TRANK1: variants seen among roughly 807,000 people sequenced by gnomAD.
TRANK1 encodes tetratricopeptide repeat and ankyrin repeat containing 1.
In TRANK1, 198 loss-of-function variants were observed where a neutral mutation model predicts 266.0. The ratio of observed to expected loss-of-function variants is 0.74; its 90% confidence interval spans 0.66 to 0.84. The LOEUF (loss-of-function observed/expected upper bound fraction) is 0.84. Among genes scored for constraint, TRANK1 ranks in the 40% least tolerant of loss-of-function variants. The pLI, the probability that TRANK1 is intolerant of heterozygous loss-of-function variation, is 0.00. For synonymous variants in TRANK1, 1,396 were observed against 1,384.1 expected (o/e 1.01, Z -0.19); for missense variants, 3,326 against 3,634.6 (o/e 0.92, Z 2.18).
At chr3:36,873,200 T>A (rs1010899573) in intron 9 of TRANK1, among the ~76,000 whole-genome samples, 5 of 152,176 alleles carry the variant, frequency 3.3e-5, no homozygotes, top group African/African-American at 1.2e-4. Flanking sequence ...AATGCCTATA[T>A]TCAGACAAAT....
chr3:36,928,350 A>C (rs1426213722), intron 1 of TRANK1, among the ~76,000 whole-genome samples: 5 of 152,168 alleles, frequency 3.3e-5, no homozygotes, highest in Non-Finnish European at 4.4e-5. Flanking sequence ...AGCTGTTGAG[A>C]ATTTTCAATA....
At chr3:36,913,455 T>TCTCTCCTCTC (rs139652709) in intron 1 of TRANK1, among the ~76,000 whole-genome samples, 38 of 151,306 alleles carry the variant, frequency 2.5e-4, no homozygotes, top group Non-Finnish European at 4.1e-4. Context: ...TTGCTTTGTT[T>TCTCTCCTCTC]CTCTCCTCTC....
chr3:36,829,654 C>T lies in TRANK1; in HGVS notation c.8719G>A (p.Ala2907Thr), dbSNP rs755965725. The T allele has an allele frequency of 1.2e-6, 2 of 1,613,688 alleles. No homozygotes were observed. Among genetic ancestry groups the T allele is most frequent in the African/African-American group, 1.3e-5 (1 of 74,922 alleles). Reference protein sequence around the residue: ...RRKAWAGAEEAMTRLVNILIL... With the variant: ...RRKAWAGAEETMTRLVNILIL... ...AGAATGTTGACCAGCCGAGTCATCGCCTCCTCCGCTTCAGAAACCAAAGAA... is the reference window on the plus strand; with the variant it reads ...AGAATGTTGACCAGCCGAGTCATCGTCTCCTCCGCTTCAGAAACCAAAGAA... Residue 2907 changes from alanine (A) to threonine (T), a missense_variant, in exon 23 of 24, where the codon GCG becomes ACG. Ala to Thr is a moderately conservative substitution (Grantham distance 58, BLOSUM62 0). Coordinates refer to ENST00000645898, the MANE Select transcript of TRANK1 (RefSeq NM_001329998.2).
intron 1 of TRANK1, among the ~76,000 whole-genome samples, chr3:36,940,262 C>T (rs1298759031): frequency 6.6e-6 from 1 of 151,346 alleles, no homozygotes; most frequent in Non-Finnish European, 1.5e-5. Context: ...CTTTGGGAGG[C>T]CGAGGCGGGT....
Position 36,828,388 on chromosome 3 carries a change from AGAAGGAAGGAAG to A in TRANK1, c.8810-25_8810-14del. ...TCCTGAACAATACCTGAAGAAAGAA[AGAAGGAAGGAAG>A]GAAGGAAGGAAAGAAGGGAGGGAGG... On this transcript the variant is annotated splice_polypyrimidine_tract_variant and intron_variant, in intron 23 of 23. Coordinates refer to ENST00000645898, the MANE Select transcript of TRANK1 (RefSeq NM_001329998.2). The A allele has an allele frequency of 2.0e-6, 2 of 1,013,810 alleles. No individual in the cohort carries two copies. The highest frequency in any genetic ancestry group is 4.1e-5 in the East Asian group (1 of 24,460). The allele number at this position is 1,013,810 out of a possible 1,614,324, so 62.8% of individuals were successfully genotyped here. A position where few individuals can be genotyped will look rare whatever the true frequency, so the allele number is the denominator to read the frequency against.
At chr3:36,862,964 G>A (rs894526029) in intron 10 of TRANK1, among the ~76,000 whole-genome samples, 4 of 151,838 alleles carry the variant, frequency 2.6e-5, no homozygotes, top group Non-Finnish European at 1.5e-5. Context: ...TCAATAGGAA[G>A]AGCTATAAAT....
intron 9 of TRANK1, among the ~76,000 whole-genome samples, chr3:36,865,996 AAGAG>A (rs2079213045): frequency 1.3e-5 from 2 of 151,052 alleles, no homozygotes; most frequent in South Asian, 4.2e-4. Context: ...GAAAGAAAGA[AAGAG>A]AAAGAGAGAG....
intron 1 of TRANK1, among the ~76,000 whole-genome samples, chr3:36,931,470 C>A (rs1248471661): frequency 6.6e-6 from 1 of 152,058 alleles, no homozygotes; most frequent in Non-Finnish European, 1.5e-5. Flanking sequence ...TCTGGGGAAC[C>A]AAGGCAGGTG....
At chr3:36,908,553 T>C (rs1324248922) in intron 1 of TRANK1, 99 bp from the exon 2 acceptor site, 6 of 1,231,230 alleles carry the variant, frequency 4.9e-6, no homozygotes. Flanking sequence ...GTTCGCTCAC[T>C]ATGGCCCCAC....
chr3:36,842,724 G>A lies in TRANK1; in HGVS notation c.5192-14C>T, dbSNP rs760478201. The A allele has an allele frequency of 1.1e-5, 17 of 1,611,002 alleles. No homozygotes were observed. Among genetic ancestry groups the A allele is most frequent in the Non-Finnish European group, 1.4e-5 (16 of 1,178,102 alleles). ...TATCATCAAAGTCTAAAATGAGAAA[G>A]AAAAGTGTGTTTGCTTCTCTGGGCT... On this transcript the variant is annotated splice_polypyrimidine_tract_variant and intron_variant, in intron 17 of 23. Coordinates refer to ENST00000645898, the MANE Select transcript of TRANK1 (RefSeq NM_001329998.2).
chr3:36,918,421 ATTTGT>A (rs762789584), intron 1 of TRANK1, among the ~76,000 whole-genome samples: 32 of 150,614 alleles, frequency 2.1e-4, no homozygotes, highest in Non-Finnish European at 4.3e-4. Flanking sequence ...CACAGTTAAA[ATTTGT>A]TTTAAGTAAA....
Position 36,857,355 on chromosome 3 carries a change from T to G in TRANK1, c.2367A>C (p.Gly789=), listed in dbSNP as rs1490454011. The G allele has an allele frequency of 5.0e-6, 8 of 1,606,944 alleles. No individual in the cohort carries two copies. Among genetic ancestry groups the G allele is most frequent in the Non-Finnish European group, 5.9e-6 (7 of 1,176,710 alleles). The change falls in exon 13 of 24, where the codon GGA becomes GGC. Residue 789 remains glycine, a synonymous_variant. Transcript: ENST00000645898. This position sits in a 1 kb window ranked among gnomAD's most constrained non-coding sequence, Gnocchi z 4.3. Reference sequence around the variant, plus strand: ...AGGCCCCAAGGCCCACCTGAGCATGTCCTTCCCCCACCTCACTACAGTCAG... The same window carrying G: ...AGGCCCCAAGGCCCACCTGAGCATGGCCTTCCCCCACCTCACTACAGTCAG... ...GAPDCSEVGE[G]HAQVGLGALQ...
chr3:36,851,162 CTT>C (rs2078980266), intron 15 of TRANK1: 1 of 985,754 alleles, frequency 1.0e-6, no homozygotes, highest in Admixed American at 6.1e-5. Context: ...TGTGGGGACT[CTT>C]TGGCTGCCAT....
chr3:36,897,944 G>A (rs2079816612), intron 4 of TRANK1, among the ~76,000 whole-genome samples: 1 of 152,162 alleles, frequency 6.6e-6, no homozygotes, highest in South Asian at 2.1e-4. Flanking sequence ...CAGGCCATTA[G>A]AGTAGTAACT....
At chr3:36,858,976 C>T in intron 11 of TRANK1, 82 bp from the exon 12 acceptor site, 2 of 1,394,828 alleles carry the variant, frequency 1.4e-6, no homozygotes, top group Non-Finnish European at 1.9e-6. Context: ...TTCAGTTATT[C>T]AGTTGCAAGG....
chr3:36,851,797 T>G lies in TRANK1; in HGVS notation c.4809A>C (p.Ala1603=). The G allele has an allele frequency of 6.2e-7, 1 of 1,611,840 alleles. No individual in the cohort carries two copies. Among genetic ancestry groups the G allele is most frequent in the Non-Finnish European group, 8.5e-7 (1 of 1,178,840 alleles). The change falls in exon 15 of 24, where the codon GCA becomes GCC. Residue 1603 remains alanine, a synonymous_variant. Coordinates refer to ENST00000645898, the MANE Select transcript of TRANK1 (RefSeq NM_001329998.2). ...TTGCTTCATAAATTGTTAGCACAAGTGCTAACCCCAGCTCTTCTGGAATTT... is the reference window on the plus strand; with the variant it reads ...TTGCTTCATAAATTGTTAGCACAAGGGCTAACCCCAGCTCTTCTGGAATTT... ...KEKIPEELGL[A]LVLTIYEAKG... is the part of the protein sequence containing the mutation.
intron 1 of TRANK1, among the ~76,000 whole-genome samples, chr3:36,944,086 C>A (rs1353583915): frequency 6.6e-6 from 1 of 152,086 alleles, no homozygotes; most frequent in African/African-American, 2.4e-5. Flanking sequence ...GGAAACGCAA[C>A]GCGCCTCCCA....
intron 17 of TRANK1, among the ~76,000 whole-genome samples, chr3:36,845,411 C>CT (rs2078901697): frequency 6.6e-6 from 1 of 152,130 alleles, no homozygotes; most frequent in Non-Finnish European, 1.5e-5. Context: ...TTCAGACAAC[C>CT]TGTTAACTCA....
At chr3:36,865,942 GAGAGAGAGAGAGAGAC>G (rs955211534) in intron 9 of TRANK1, among the ~76,000 whole-genome samples, 1 of 148,894 alleles carries the variant, frequency 6.7e-6, no homozygotes, top group African/African-American at 2.5e-5. Flanking sequence ...AGAAAAAAAA[GAGAGAGAGAGAGAGAC>G]AGAGAGAGAC....
Sources: allele counts gnomAD v4.1 joint callset (sites outside exome capture counted in the v4.1 genomes callset), GRCh38; gene constraint gnomAD v4.1.1; non-coding constraint Gnocchi (gnomAD v3.1); transcripts MANE v1.5; gene names NCBI Gene and HGNC (gene_info 2026-07-23, HGNC 2026-07-21).